USP24: variants seen among roughly 807,000 people sequenced by gnomAD.
USP24 encodes ubiquitin carboxyl-terminal hydrolase 24.
A neutral mutation model predicts 361.6 loss-of-function variants in USP24; 97 were observed. The observed-to-expected ratio is 0.27, with a 90% CI of 0.23 to 0.32. The LOEUF (loss-of-function observed/expected upper bound fraction) is 0.32, where lower values mean the gene tolerates loss of function less well. Ranked by LOEUF, USP24 falls within the 10% of genes least tolerant of loss-of-function variation. The pLI, the probability that USP24 is intolerant of heterozygous loss-of-function variation, is 1.00. For synonymous variants in USP24, 1,098 were observed against 1,124.6 expected, an observed-to-expected ratio of 0.98 and a Z score of 0.47; for missense variants, 2,353 against 3,165.6, an observed-to-expected ratio of 0.74 and a Z score of 6.16.
chr1:55,121,373 T>C, intron 37 of USP24, 63 bp downstream of exon 37: 1 of 1,464,144 alleles, frequency 6.8e-7, no homozygotes, highest in Admixed American at 1.8e-5. Flanking sequence ...TCACAGGTAG[T>C]TGAGACAGCT....
Position 55,107,855 on chromosome 1 carries a change from A to AC in USP24, c.4571-426_4571-425insG, listed in dbSNP as rs1468433609. ...AGACTCTGTCTCAAAAAAAAAAAAA[A>AC]AAAAAAAAAAACACACAAAAACCCC... On this transcript the variant is annotated intron_variant, in intron 39 of 67. Transcript: ENST00000294383. 7.7e-3 allele frequency among the ~76,000 whole-genome samples: 1,159 copies of AC among 149,580 alleles called. 21 individuals carry two copies. Among genetic ancestry groups the AC allele is most frequent in the African/African-American group, 0.025 (1,037 of 40,734 alleles).
intron 42 of USP24, among the ~76,000 whole-genome samples, chr1:55,103,042 G>A (rs1645677382): frequency 6.6e-6 from 1 of 152,118 alleles, no homozygotes; most frequent in Non-Finnish European, 1.5e-5. Flanking sequence ...CTGACTTTCT[G>A]TGATGTCAGA....
intron 67 of USP24, among the ~76,000 whole-genome samples, chr1:55,070,689 G>GAGAAGAGAGGCTTTGACAGGAC (rs1644904067): frequency 6.6e-6 from 1 of 152,180 alleles, no homozygotes; most frequent in African/African-American, 2.4e-5. Flanking sequence ...GGGCAACAGG[G>GAGAAGAGAGGCTTTGACAGGAC]AGAAGAGAGG....
chr1:55,084,860 G>C (rs1645218583), intron 56 of USP24, among the ~76,000 whole-genome samples: 1 of 152,196 alleles, frequency 6.6e-6, no homozygotes, highest in African/African-American at 2.4e-5. Context: ...TTAGAGGCTG[G>C]TGGGTAATAT....
intron 1 of USP24, among the ~76,000 whole-genome samples, chr1:55,191,869 C>G (rs527790409): frequency 6.6e-6 from 1 of 152,158 alleles, no homozygotes; most frequent in South Asian, 2.1e-4. Context: ...TACCCCCACA[C>G]AGTTTAGCAA....
intron 55 of USP24, chr1:55,086,312 A>G (rs1321498330): frequency 1.1e-5 from 5 of 475,182 alleles, no homozygotes; most frequent in Non-Finnish European, 1.9e-5. Context: ...GTACTCCCAT[A>G]ATGTTCAGCT....
chr1:55,153,848 G>T, intron 16 of USP24, 22 bp downstream of exon 16: 1 of 1,547,038 alleles, frequency 6.5e-7, no homozygotes, highest in Non-Finnish European at 8.7e-7. Context: ...CCTTTTAGTT[G>T]GTTCCATCTG....
At chr1:55,204,088 T>C (rs1644644387) in intron 1 of USP24, among the ~76,000 whole-genome samples, 1 of 152,214 alleles carries the variant, frequency 6.6e-6, no homozygotes, top group Non-Finnish European at 1.5e-5. Flanking sequence ...AATATAAAAC[T>C]GACCACAAAA....
chr1:55,189,116 TA>T (rs1168577417), intron 1 of USP24, among the ~76,000 whole-genome samples: 1 of 152,136 alleles, frequency 6.6e-6, no homozygotes, highest in Non-Finnish European at 1.5e-5. Flanking sequence ...CAAAGGTTAC[TA>T]AGTTTCCACT....
intron 1 of USP24, among the ~76,000 whole-genome samples, chr1:55,202,503 C>G (rs1644602752): frequency 6.6e-6 from 1 of 151,992 alleles, no homozygotes; most frequent in Non-Finnish European, 1.5e-5. Flanking sequence ...CTCCCAGGTT[C>G]AAGCAATTCT....
Position 55,068,814 on chromosome 1 carries a change from C to T in USP24, c.*231G>A, listed in dbSNP as rs938959057. On this transcript the variant is annotated 3_prime_UTR_variant, in exon 68 of 68. Coordinates refer to ENST00000294383, the MANE Select transcript of USP24 (RefSeq NM_015306.3). ...GAAATGTGAATCCACATATAGACCA[C>T]GCTCCCGGGACAGCTGATCCACATG... The T allele has an allele frequency of 4.7e-5, 26 of 548,828 alleles. No homozygotes were observed. The highest frequency in any genetic ancestry group is 1.5e-4 in the African/African-American group (8 of 52,636). The allele number at this position is 548,828 out of a possible 1,614,324, so 34.0% of individuals were successfully genotyped here.
chr1:55,122,318 G>A (rs1331877342), intron 36 of USP24, among the ~76,000 whole-genome samples: 1 of 152,270 alleles, frequency 6.6e-6, no homozygotes, highest in East Asian at 1.9e-4. Flanking sequence ...AATGTATGCT[G>A]GCTGCTGGGG....
chr1:55,198,986 G>C (rs1042418226), intron 1 of USP24, among the ~76,000 whole-genome samples: 1 of 152,084 alleles, frequency 6.6e-6, no homozygotes, highest in Non-Finnish European at 1.5e-5. Context: ...CTAGAATCTG[G>C]CTTAAAAGAA....
At chr1:55,069,167 A>G in intron 67 of USP24, 60 bp from the exon 68 acceptor site, 1 of 1,563,980 alleles carries the variant, frequency 6.4e-7, no homozygotes. Context: ...TTCTATGCTG[A>G]CTTGTGTTCT....
chr1:55,209,442 A>G (rs1215323620), intron 1 of USP24, among the ~76,000 whole-genome samples: 1 of 152,144 alleles, frequency 6.6e-6, no homozygotes, highest in Admixed American at 6.5e-5. Flanking sequence ...CAAATCGGCT[A>G]GTGTGATTTG....
At position 55,101,752 on chromosome 1, in the gene USP24, T is replaced by C. The variant is rs752763797; in HGVS notation, c.5026-49A>G. On this transcript the variant is annotated intron_variant, in intron 42 of 67. Coordinates refer to ENST00000294383, the MANE Select transcript of USP24 (RefSeq NM_015306.3). ...AGCAGAGGAGAAGAATGAGCATTTC[T>C]GCCACAGACACATTTACACTATAGC... The C allele has an allele frequency of 8.5e-6, 13 of 1,525,530 alleles. No individual in the cohort carries two copies. The Admixed American group carries it at 1.4e-4, about 16-fold the overall frequency. 94.5% of individuals were successfully genotyped at this position (1,525,530 alleles called of 1,614,324 possible).
At chr1:55,110,160 C>A (rs1357168019) in intron 39 of USP24, 25 bp downstream of exon 39, 2 of 1,533,848 alleles carry the variant, frequency 1.3e-6, no homozygotes, top group Non-Finnish European at 1.8e-6. Flanking sequence ...AGCCCCTCTC[C>A]CCTACATATT....
At chr1:55,081,246 A>C in intron 59 of USP24, 76 bp downstream of exon 59, 3 of 1,404,050 alleles carry the variant, frequency 2.1e-6, no homozygotes, top group Non-Finnish European at 3.0e-6. Context: ...AGAGACATTC[A>C]TTTACTTGCT....
rs1395859636 is a variant in USP24, at chr1:55,092,041, C to T, written c.6536G>A (p.Arg2179Gln). The change falls in exon 54 of 68, where the codon CGG (arginine) becomes CAG (glutamine). Residue 2179 changes from arginine to glutamine, a missense_variant. Physicochemically the swap from Arg to Gln is conservative, Grantham distance 43. This residue lies in a region of USP24 where 598 missense variants were observed against 761.9 expected (regional missense o/e 0.78). Coordinates refer to ENST00000294383, the MANE Select transcript of USP24 (RefSeq NM_015306.3). ...AIQFLFQTYLRTKKKLRVDTE... is the reference protein window; with the variant it reads ...AIQFLFQTYLQTKKKLRVDTE... ...TTCTCACCTGAGTTTCTTCTTTGTC[C>T]GTAGATAAGTTTGAAAAAGGAATTG... is the stretch of plus-strand genomic sequence containing the variant. The T allele has an allele frequency of 1.9e-6, 3 of 1,610,026 alleles. No homozygotes were observed. The highest frequency in any genetic ancestry group is 1.3e-5 in the African/African-American group (1 of 74,826).
Sources: gnomAD v4.1 joint callset for allele counts (sites outside exome capture counted in the v4.1 genomes callset) on GRCh38, gnomAD v4.1.1 for gene constraint, gnomAD v4.1.1 regional missense constraint, MANE v1.5 for transcripts, NCBI Gene and HGNC (gene_info 2026-07-23, HGNC 2026-07-21) for gene names.